Variants in ROBO2 observed in about 807,000 individuals in gnomAD.
The protein encoded by ROBO2 is roundabout homolog 2.
In ROBO2, 53 loss-of-function variants were observed where a neutral mutation model predicts 160.8. The ratio of observed to expected loss-of-function variants is 0.33; its 90% CI spans 0.26 to 0.41. ROBO2 has a LOEUF of 0.41. Ranked by LOEUF, ROBO2 falls within the 10% of genes least tolerant of loss-of-function variation. The pLI is 1.00. For missense variants in ROBO2, 1,577 were observed against 1,722.4 expected (o/e 0.92, Z 1.49); for synonymous variants, 664 against 611.7 (o/e 1.09, Z -1.26).
intron 2 of ROBO2, among the ~76,000 whole-genome samples, chr3:76,428,486 T>C (rs971399996): frequency 1.3e-5 from 2 of 152,200 alleles, no homozygotes; most frequent in Non-Finnish European, 2.9e-5. Flanking sequence ...TGTTAAAGAT[T>C]GTGTAGATTT....
chr3:77,571,881 C>T (rs1379708571), intron 13 of ROBO2, among the ~76,000 whole-genome samples: 3 of 150,714 alleles, frequency 2.0e-5, no homozygotes, highest in African/African-American at 7.3e-5. Flanking sequence ...TCTGCTTCCA[C>T]CTGTAACAAC....
intron 21 of ROBO2, among the ~76,000 whole-genome samples, chr3:77,615,927 G>A (rs896140553): frequency 2.0e-5 from 3 of 152,128 alleles, no homozygotes; most frequent in Non-Finnish European, 4.4e-5. Context: ...GACTAGAGAT[G>A]TACATTTCTG....
intron 2 of ROBO2, among the ~76,000 whole-genome samples, chr3:76,856,966 T>A (rs2070168264): frequency 6.6e-6 from 1 of 152,040 alleles, no homozygotes; most frequent in African/African-American, 2.4e-5. Context: ...ATGCAAGGAG[T>A]TAAACCTAAA....
Position 76,401,608 on chromosome 3 carries a change from A to G in ROBO2, c.109+464006A>G, listed in dbSNP as rs151186938. On this transcript the variant is annotated intron_variant, in intron 2 of 26. Transcript: ENST00000487694. ...TGAAATTTATGATGGTGTTGCAAGT[A>G]TTAGGTGCTGTTCTACATGGCTCCC... Among the ~76,000 whole-genome samples the G allele has an allele frequency of 7.6e-3, 1,159 of 151,554 alleles. 16 individuals carry two copies. The highest frequency in any genetic ancestry group is 0.053 in the South Asian group (255 of 4,814).
intron 13 of ROBO2, among the ~76,000 whole-genome samples, chr3:77,570,741 T>C (rs1378960574): frequency 6.6e-6 from 1 of 152,024 alleles, no homozygotes; most frequent in Non-Finnish European, 1.5e-5. Flanking sequence ...ATGCATGTGT[T>C]ATTTAAATTA....
intron 2 of ROBO2, among the ~76,000 whole-genome samples, chr3:77,441,968 A>G (rs1340886525): frequency 6.6e-6 from 1 of 152,184 alleles, no homozygotes; most frequent in African/African-American, 2.4e-5. Flanking sequence ...AGGTTTACCC[A>G]CAACACATTT....
intron 2 of ROBO2, among the ~76,000 whole-genome samples, chr3:76,962,564 G>A (rs2079747510): frequency 6.6e-6 from 1 of 151,464 alleles, no homozygotes; most frequent in East Asian, 1.9e-4. Context: ...CTTGAACCTA[G>A]GAGGCGGAGG....
chr3:76,335,466 G>A (rs576550391), intron 2 of ROBO2, among the ~76,000 whole-genome samples: 26 of 152,116 alleles, frequency 1.7e-4, no homozygotes, highest in Non-Finnish European at 3.1e-4. Context: ...ACAGGAGTGA[G>A]CCACCACACC....
chr3:76,846,843 T>A (rs1176666873), intron 2 of ROBO2, among the ~76,000 whole-genome samples: 1 of 152,160 alleles, frequency 6.6e-6, no homozygotes, highest in Non-Finnish European at 1.5e-5. Flanking sequence ...TGTAGTCTGC[T>A]TTTTGACCAA....
intron 5 of ROBO2, among the ~76,000 whole-genome samples, chr3:77,494,671 A>C (rs1012708667): frequency 6.6e-6 from 1 of 152,216 alleles, no homozygotes; most frequent in Non-Finnish European, 1.5e-5. Flanking sequence ...GAAGCTGTAT[A>C]CCTTTTATGT....
intron 2 of ROBO2, among the ~76,000 whole-genome samples, chr3:77,150,564 G>A (rs1404581407): frequency 6.6e-6 from 1 of 152,036 alleles, no homozygotes; most frequent in Non-Finnish European, 1.5e-5. Flanking sequence ...TGAGTAAAAT[G>A]TCTGTGCCCA....
chr3:77,220,367 T>G (rs925622606), intron 2 of ROBO2, among the ~76,000 whole-genome samples: 5 of 152,004 alleles, frequency 3.3e-5, no homozygotes, highest in African/African-American at 1.2e-4. Context: ...TACATAAAAA[T>G]TACATTTTAA....
chr3:77,525,720 T>C (rs1391690258), intron 6 of ROBO2, among the ~76,000 whole-genome samples: 1 of 151,160 alleles, frequency 6.6e-6, no homozygotes, highest in African/African-American at 2.4e-5. Flanking sequence ...TTTGGAATTA[T>C]TCTATAATAA....
intron 2 of ROBO2, among the ~76,000 whole-genome samples, chr3:76,427,279 C>T (rs962035243): frequency 5.3e-5 from 8 of 151,564 alleles, no homozygotes; most frequent in South Asian, 4.2e-4. Context: ...AAAAACCACT[C>T]GCTTGCAACT....
At chr3:77,613,676 C>T (rs1304345171) in intron 21 of ROBO2, among the ~76,000 whole-genome samples, 6 of 152,044 alleles carry the variant, frequency 3.9e-5, no homozygotes, top group South Asian at 2.1e-4. Context: ...TCAATACATA[C>T]GCGTATGACT....
In ROBO2 at chr3:76,322,164, G is replaced by GTATATATATATATATA. The variant is rs200388202; in HGVS notation, c.109+384587_109+384602dup. Among the ~76,000 whole-genome samples, 60 of 108,124 alleles carry GTATATATATATATATA rather than the reference G, an allele frequency of 5.5e-4. 1 individual carries two copies. The highest frequency in any genetic ancestry group is 9.3e-4 in the African/African-American group (21 of 22,482). 70.9% of individuals were successfully genotyped at this position (108,124 alleles called of 152,430 possible). ...ATTTGAAATGATTTCTACTTCTTCC[G>GTATATATATATATATA]TATATATATATATATATATATATAT... On this transcript the variant is annotated intron_variant, in intron 2 of 26. Coordinates refer to the ROBO2 transcript ENST00000487694.
intron 2 of ROBO2, among the ~76,000 whole-genome samples, chr3:77,258,558 G>C (rs1308499729): frequency 6.7e-6 from 1 of 150,346 alleles, no homozygotes; most frequent in Non-Finnish European, 1.5e-5. Flanking sequence ...GGGAGGTTAA[G>C]ACTTCAGTGA....
At chr3:77,494,152 A>G (rs2086489595) in intron 5 of ROBO2, among the ~76,000 whole-genome samples, 1 of 152,168 alleles carries the variant, frequency 6.6e-6, no homozygotes. Context: ...AACACAAGTA[A>G]TTTTATCTTT....
At chr3:77,335,172 G>C (rs568137032) in intron 2 of ROBO2, among the ~76,000 whole-genome samples, 1 of 152,236 alleles carries the variant, frequency 6.6e-6, no homozygotes, top group South Asian at 2.1e-4. Context: ...TGTAATCCCG[G>C]CACTTAGGGA....
Sources: allele counts gnomAD v4.1 joint callset (sites outside exome capture counted in the v4.1 genomes callset), GRCh38; gene constraint gnomAD v4.1.1; transcripts MANE v1.5; gene names NCBI Gene and HGNC (gene_info 2026-07-23, HGNC 2026-07-21).